Variants in NCALD observed in about 807,000 individuals in gnomAD.
The protein encoded by NCALD is neurocalcin delta, also known as neurocalcin-delta.
NCALD carries 10 observed loss-of-function variants against 18.6 expected under a neutral mutation model. The ratio of observed to expected loss-of-function variants is 0.54; its 90% CI spans 0.33 to 0.91. The LOEUF (loss-of-function observed/expected upper bound fraction) is 0.91. NCALD is among the 40% of genes least tolerant of loss of function. The pLI is 0.03. For missense variants in NCALD, 184 were observed against 247.6 expected (o/e 0.74, Z 1.72); for synonymous variants, 88 against 87.4 (o/e 1.01, Z -0.04).
chr8:101,767,395 A>C (rs1033992044), intron 1 of NCALD, among the ~76,000 whole-genome samples: 9 of 152,218 alleles, frequency 5.9e-5, no homozygotes, highest in African/African-American at 2.2e-4. Flanking sequence ...CAACATCTGG[A>C]GAAGGTTTTT....
chr8:101,735,587 C>T (rs746044500), intron 1 of NCALD, among the ~76,000 whole-genome samples: 13 of 152,092 alleles, frequency 8.5e-5, no homozygotes, highest in African/African-American at 1.4e-4. Context: ...TTAAGTATGT[C>T]CCAAATGTTG....
chr8:101,706,731 G>A (rs555223685), intron 2 of NCALD, among the ~76,000 whole-genome samples: 11 of 152,306 alleles, frequency 7.2e-5, no homozygotes, highest in South Asian at 2.1e-4. Context: ...CTATGATGAC[G>A]GAGGCAGAGA....
chr8:101,932,281 T>C (rs541868), intron 2 of NCALD, among the ~76,000 whole-genome samples: 5,136 of 152,202 alleles, frequency 0.034, 116 homozygotes, highest in Middle Eastern at 0.071. Flanking sequence ...CCTCAGCCAA[T>C]GCTGAGTGGT....
At chr8:101,918,504 A>C (rs139187274) in intron 2 of NCALD, among the ~76,000 whole-genome samples, 2 of 152,260 alleles carry the variant, frequency 1.3e-5, no homozygotes, top group East Asian at 3.9e-4. Flanking sequence ...AGGCAAGAGA[A>C]AGAACTAAAA....
At chr8:101,757,629 T>C (rs1355592590) in intron 1 of NCALD, among the ~76,000 whole-genome samples, 1 of 152,224 alleles carries the variant, frequency 6.6e-6, no homozygotes, top group East Asian at 1.9e-4. Flanking sequence ...AATTTTTCAC[T>C]TGGCCTTCTT....
chr8:101,748,298 A>T (rs1810509822), intron 1 of NCALD, among the ~76,000 whole-genome samples: 1 of 152,228 alleles, frequency 6.6e-6, no homozygotes, highest in Non-Finnish European at 1.5e-5. Flanking sequence ...ACAAGTAAAA[A>T]TTCAATGCAC....
At chr8:101,690,291 CT>C (rs1814665113) in intron 3 of NCALD, 8 of 985,414 alleles carry the variant, frequency 8.1e-6, no homozygotes, top group Non-Finnish European at 9.6e-6. Context: ...TACCCCGCCC[CT>C]GGGAGTGAAG....
In NCALD at chr8:102,007,073, A is replaced by G. The variant is rs185966412; in HGVS notation, c.-157+13164T>C. On this transcript the variant is annotated intron_variant, in intron 2 of 6. Transcript: ENST00000311028. ...AAAATGCAGATTCAAGGAAAGACTA[A>G]AAAACTATCGCAGATCCAAGGAGAC... Among the ~76,000 whole-genome samples the G allele has an allele frequency of 1.0e-3, 154 of 152,316 alleles. 1 individual carries two copies. Among genetic ancestry groups the G allele is most frequent in the African/African-American group, 3.2e-3 (134 of 41,562 alleles).
At chr8:102,002,828 A>T (rs918632022) in intron 2 of NCALD, among the ~76,000 whole-genome samples, 6 of 152,216 alleles carry the variant, frequency 3.9e-5, no homozygotes, top group Non-Finnish European at 7.3e-5. Flanking sequence ...TTTGAAACCA[A>T]CGAGAACAAA....
At position 101,873,225 on chromosome 8, in the gene NCALD, T is replaced by C. The variant is rs147456692; in HGVS notation, c.-20+13916A>G. On this transcript the variant is annotated intron_variant, in intron 4 of 6. Coordinates refer to the NCALD transcript ENST00000311028. ...CACTACATTCCAAATCAAAATAAAGTGAACAATCTCCAATGCCTTGGAAAG... is the reference window on the plus strand; with the variant it reads ...CACTACATTCCAAATCAAAATAAAGCGAACAATCTCCAATGCCTTGGAAAG... 4.7e-3 allele frequency among the ~76,000 whole-genome samples: 723 copies of C among 152,324 alleles called. 9 individuals are homozygous for C. Among genetic ancestry groups the C allele is most frequent in the African/African-American group, 0.016 (668 of 41,574 alleles).
chr8:102,000,142 G>A lies in NCALD; in HGVS notation c.-157+20095C>T, dbSNP rs186319166. Among the ~76,000 whole-genome samples the A allele has an allele frequency of 6.7e-3, 1,014 of 152,198 alleles. 11 individuals are homozygous for A. Among genetic ancestry groups the A allele is most frequent in the African/African-American group, 0.017 (714 of 41,546 alleles). On this transcript the variant is annotated intron_variant, in intron 2 of 6. Transcript: ENST00000311028. Reference sequence around the variant, plus strand: ...GGGAGTTCCCTTTCCTAGGGATGACGGATGGCACCTGGAAAATCGGGTCAC... The same window carrying A: ...GGGAGTTCCCTTTCCTAGGGATGACAGATGGCACCTGGAAAATCGGGTCAC...
intron 2 of NCALD, among the ~76,000 whole-genome samples, chr8:101,982,096 C>A (rs996669427): frequency 1.2e-4 from 19 of 152,206 alleles, no homozygotes; most frequent in African/African-American, 4.6e-4. Context: ...CTGTACCGTC[C>A]ACCATCATTG....
At chr8:102,026,787 C>G (rs534259183) in intron 1 of NCALD, among the ~76,000 whole-genome samples, 16 of 152,250 alleles carry the variant, frequency 1.1e-4, no homozygotes, top group Non-Finnish European at 1.8e-4. Context: ...CAAAGGTTCT[C>G]CATGAGGGCT....
chr8:101,836,758 T>A (rs1376855452), intron 4 of NCALD, among the ~76,000 whole-genome samples: 1 of 152,210 alleles, frequency 6.6e-6, no homozygotes, highest in Non-Finnish European at 1.5e-5. Context: ...TTTTTACCAA[T>A]AAATTTTAAA....
intron 1 of NCALD, among the ~76,000 whole-genome samples, chr8:102,104,220 T>C (rs2132424836): frequency 6.6e-6 from 1 of 152,332 alleles, no homozygotes; most frequent in South Asian, 2.1e-4. Flanking sequence ...ATCATCGATA[T>C]ATAAACTGGG....
intron 1 of NCALD, among the ~76,000 whole-genome samples, chr8:101,783,037 T>C (rs1177667107): frequency 2.6e-5 from 4 of 152,210 alleles, no homozygotes; most frequent in Non-Finnish European, 5.9e-5. Flanking sequence ...TTGAAAAGTC[T>C]GGGTGATTGC....
chr8:101,806,339 GA>G (rs566975936), intron 4 of NCALD, among the ~76,000 whole-genome samples: 3 of 152,008 alleles, frequency 2.0e-5, no homozygotes, highest in Non-Finnish European at 2.9e-5. Context: ...TCATACACGG[GA>G]AAAAAAGCAG....
chr8:101,801,289 C>A (rs1411770541), intron 4 of NCALD, among the ~76,000 whole-genome samples: 5 of 152,166 alleles, frequency 3.3e-5, no homozygotes, highest in Non-Finnish European at 7.4e-5. Context: ...TTCTTGGTAA[C>A]TTACACAACC....
chr8:101,774,713 C>G (rs558232292), intron 1 of NCALD, among the ~76,000 whole-genome samples: 1 of 152,000 alleles, frequency 6.6e-6, no homozygotes, highest in East Asian at 1.9e-4. Flanking sequence ...GAAGATCTAC[C>G]CAAGGCATGT....
Sources: allele counts gnomAD v4.1 joint callset (sites outside exome capture counted in the v4.1 genomes callset), GRCh38; gene constraint gnomAD v4.1.1; transcripts MANE v1.5; gene names NCBI Gene and HGNC (gene_info 2026-07-23, HGNC 2026-07-21).